The following ITGA9 variants were observed in gnomAD, a reference collection of about 807,000 sequenced individuals.
ITGA9 encodes integrin alpha-9.
A neutral mutation model predicts 127.8 loss-of-function variants in ITGA9; 56 were observed. That is an observed-to-expected ratio of 0.44 (90% confidence interval 0.35 to 0.55). ITGA9 has a LOEUF of 0.55. ITGA9 is among the 20% of genes least tolerant of loss of function. The pLI is 0.00. For missense variants in ITGA9, 1,196 were observed against 1,347.1 expected (o/e 0.89, Z 1.76); for synonymous variants, 508 against 514.5 (o/e 0.99, Z 0.17).
chr3:37,818,963 T>C lies in ITGA9; in HGVS notation c.3082T>C (p.Trp1028Arg), dbSNP rs754083066. The change falls in exon 28 of 28, where the codon TGG (tryptophan) becomes CGG (arginine). Residue 1028 changes from tryptophan (W) to arginine (R), a missense_variant. Transcript: ENST00000264741. ...EKNRKENEDS[W>R]DWVQKNQ ...GAACCGGAAAGAGAATGAAGACAGT[T>C]GGGACTGGGTCCAGAAAAACCAGTG... 15 of 1,614,020 alleles carry C rather than the reference T, an allele frequency of 9.3e-6. No individual in the cohort carries two copies. Among genetic ancestry groups the C allele is most frequent in the Non-Finnish European group, 1.2e-5 (14 of 1,179,840 alleles).
At chr3:37,782,062 C>CTT (rs1224728890) in intron 25 of ITGA9, among the ~76,000 whole-genome samples, 8 of 152,358 alleles carry the variant, frequency 5.3e-5, no homozygotes, top group Admixed American at 4.6e-4. Context: ...TGGCCATCCT[C>CTT]TGATTCCATA....
At chr3:37,673,368 C>G (rs992474648) in intron 17 of ITGA9, among the ~76,000 whole-genome samples, 1 of 152,182 alleles carries the variant, frequency 6.6e-6, no homozygotes, top group East Asian at 1.9e-4. Context: ...ATTTCCCAGG[C>G]TCCCTTGCAG....
In ITGA9 at chr3:37,533,339, G is replaced by A. The variant is rs1467469308; in HGVS notation, c.1399G>A (p.Val467Ile). ...AGCAAGGCCTGTCATTACGGTGGAT[G>A]TCTCCATCTTCCTCCCGGGCTCCAT... ...LRARPVITVD[V>I]SIFLPGSINI... is the part of the protein sequence containing the mutation. The change falls in exon 14 of 28, where the codon GTC becomes ATC. Residue 467 changes from valine (V) to isoleucine (I), a missense_variant. Physicochemically the swap from Val to Ile is conservative, Grantham distance 29. Coordinates refer to ENST00000264741, the MANE Select transcript of ITGA9 (RefSeq NM_002207.3). The A allele has an allele frequency of 1.2e-6, 2 of 1,614,216 alleles. No homozygotes were observed. The highest frequency in any genetic ancestry group is 1.7e-5 in the Admixed American group (1 of 60,032).
chr3:37,531,137 G>A (rs1052188367), intron 13 of ITGA9, among the ~76,000 whole-genome samples: 1 of 106,402 alleles, frequency 9.4e-6, no homozygotes, highest in Non-Finnish European at 2.0e-5. Flanking sequence ...TCAGAGGCTG[G>A]CACATTTGTA....
At chr3:37,479,514 G>A (rs1698529803) in intron 3 of ITGA9, among the ~76,000 whole-genome samples, 1 of 152,332 alleles carries the variant, frequency 6.6e-6, no homozygotes, top group African/African-American at 2.4e-5. Context: ...AGAGAGCTTA[G>A]AAGGCTGTGA....
At chr3:37,709,388 C>A (rs4678997) in intron 18 of ITGA9, among the ~76,000 whole-genome samples, 65,193 of 152,070 alleles carry the variant, frequency 0.43, 14,558 homozygotes, top group South Asian at 0.57. Context: ...CAGGACAGAT[C>A]CTTTCTCTTA....
At chr3:37,464,273 A>AG (rs1340923011) in intron 1 of ITGA9, among the ~76,000 whole-genome samples, 3 of 119,530 alleles carry the variant, frequency 2.5e-5, no homozygotes, top group Non-Finnish European at 5.4e-5. Context: ...TCTATTTGTC[A>AG]GGGTTTTTTT....
chr3:37,533,505 T>C, intron 14 of ITGA9, 37 bp downstream of exon 14: 1 of 1,606,218 alleles, frequency 6.2e-7, no homozygotes, highest in Non-Finnish European at 8.5e-7. Flanking sequence ...GGATACCCGT[T>C]TAGCTGGAGT....
At chr3:37,618,194 G>C (rs1459723213) in intron 15 of ITGA9, among the ~76,000 whole-genome samples, 1 of 152,230 alleles carries the variant, frequency 6.6e-6, no homozygotes, top group African/African-American at 2.4e-5. Context: ...AGGACCCTCA[G>C]CTGCAGGTCT....
chr3:37,565,183 C>T (rs1327795553), intron 15 of ITGA9, among the ~76,000 whole-genome samples: 1 of 152,184 alleles, frequency 6.6e-6, no homozygotes, highest in Non-Finnish European at 1.5e-5. Context: ...GCTCATTTAC[C>T]TGAACGCCCC....
chr3:37,526,023 C>A lies in ITGA9; in HGVS notation c.1328-3C>A. ...CTGAACGCTGTAAACTTCTCATTTT[C>A]AGATGTCACTGTTGGAGCCTTCATG... On this transcript the variant is annotated splice_region_variant and splice_polypyrimidine_tract_variant and intron_variant, in intron 12 of 27. Transcript: ENST00000264741. The A allele has an allele frequency of 6.2e-7, 1 of 1,613,852 alleles. No homozygotes were observed. Among genetic ancestry groups the A allele is most frequent in the Non-Finnish European group, 8.5e-7 (1 of 1,179,864 alleles).
chr3:37,464,166 C>G (rs1397377639), intron 1 of ITGA9, among the ~76,000 whole-genome samples: 2 of 148,308 alleles, frequency 1.3e-5, no homozygotes, highest in Admixed American at 1.3e-4. Flanking sequence ...GTTGTGATGG[C>G]CTTTGTGCAA....
chr3:37,514,828 C>T (rs1171220150), intron 9 of ITGA9, among the ~76,000 whole-genome samples: 1 of 152,150 alleles, frequency 6.6e-6, no homozygotes, highest in Non-Finnish European at 1.5e-5. Context: ...CCTACTTGGC[C>T]TCCCTAGGAT....
chr3:37,513,676 C>A, intron 8 of ITGA9, 87 bp from the exon 9 acceptor site: 1 of 1,436,378 alleles, frequency 7.0e-7, no homozygotes, highest in Non-Finnish European at 9.5e-7. Context: ...AGGGATGTTT[C>A]TAAAGCCAAT....
At chr3:37,590,665 G>T (rs1040638610) in intron 15 of ITGA9, among the ~76,000 whole-genome samples, 3 of 151,504 alleles carry the variant, frequency 2.0e-5, no homozygotes, top group African/African-American at 4.9e-5. Context: ...GTGCTGGAAG[G>T]CTCTCTTGGG....
In ITGA9 at chr3:37,800,767, G is replaced by A. The variant is rs150974073; in HGVS notation, c.2890-3056G>A. ...ATAATCTCCATGCCTATCAATAATAGCATGAATAAATAAACAGTGGTATGT... is the reference window on the plus strand; with the variant it reads ...ATAATCTCCATGCCTATCAATAATAACATGAATAAATAAACAGTGGTATGT... On this transcript the variant is annotated intron_variant, in intron 26 of 27. Transcript: ENST00000264741. Among the ~76,000 whole-genome samples the A allele has an allele frequency of 6.1e-3, 932 of 152,258 alleles. 8 individuals are homozygous for A. The highest frequency in any genetic ancestry group is 0.035 in the South Asian group (169 of 4,822).
intron 18 of ITGA9, among the ~76,000 whole-genome samples, chr3:37,713,929 G>A (rs1259855002): frequency 3.3e-5 from 5 of 152,198 alleles, no homozygotes; most frequent in Non-Finnish European, 7.3e-5. Flanking sequence ...TTAAAAGGCT[G>A]CATGCAAAAC....
chr3:37,813,105 A>AG (rs1697388237), intron 27 of ITGA9, among the ~76,000 whole-genome samples: 1 of 152,242 alleles, frequency 6.6e-6, no homozygotes. Flanking sequence ...TGGAATAGGT[A>AG]GGACTGGCTA....
intron 15 of ITGA9, among the ~76,000 whole-genome samples, chr3:37,544,690 G>A (rs1699308733): frequency 1.3e-5 from 2 of 152,114 alleles, no homozygotes; most frequent in African/African-American, 2.4e-5. Context: ...TCTAGGGAGA[G>A]CAAAAGAGCA....
Sources: gnomAD v4.1 joint callset for allele counts (sites outside exome capture counted in the v4.1 genomes callset) on GRCh38, gnomAD v4.1.1 for gene constraint, MANE v1.5 for transcripts, NCBI Gene and HGNC (gene_info 2026-07-23, HGNC 2026-07-21) for gene names.